Variants in RAD51B observed in about 807,000 individuals in gnomAD.
The protein encoded by RAD51B is RAD51 paralog B.
RAD51B carries 38 observed loss-of-function variants against 42.2 expected under a neutral mutation model. That is an observed-to-expected ratio of 0.90 (90% CI 0.70 to 1.18). The LOEUF (loss-of-function observed/expected upper bound fraction) is 1.18. RAD51B is among the 50% of genes most tolerant of loss of function. RAD51B has a pLI of 0.00. For missense variants in RAD51B, 373 were observed against 400.7 expected, an observed-to-expected ratio of 0.93 and a Z score of 0.59; for synonymous variants, 154 against 145.2, an observed-to-expected ratio of 1.06 and a Z score of -0.43.
At chr14:68,066,618 A>G (rs2076653897) in intron 7 of RAD51B, among the ~76,000 whole-genome samples, 1 of 152,196 alleles carries the variant, frequency 6.6e-6, no homozygotes, top group Non-Finnish European at 1.5e-5. Flanking sequence ...CTGGTTCTGT[A>G]ATATGATAAA....
rs543562591 is a variant in RAD51B at position 68,136,502 on chromosome 14, C to T, written c.757-155382C>T. ...CTGAGGCAGGAGAATCGCTTGAACC[C>T]GGGAGGCAGAGGTTGCAGTGAGCTG... On this transcript the variant is annotated intron_variant, in intron 7 of 10. Transcript: ENST00000471583. Among the ~76,000 whole-genome samples, 63 of 51,336 alleles carry T rather than the reference C, an allele frequency of 1.2e-3. 25 individuals are homozygous for T. The highest frequency in any genetic ancestry group is 6.0e-3 in the South Asian group (5 of 840). 33.7% of individuals were successfully genotyped at this position (51,336 alleles called of 152,430 possible).
intron 7 of RAD51B, among the ~76,000 whole-genome samples, chr14:67,955,858 A>G: frequency 6.6e-6 from 1 of 152,214 alleles, no homozygotes; most frequent in East Asian, 1.9e-4. Flanking sequence ...TACATGTAGA[A>G]TTTGGACAGA....
At chr14:67,921,072 G>C (rs1028239703) in intron 7 of RAD51B, among the ~76,000 whole-genome samples, 6 of 152,170 alleles carry the variant, frequency 3.9e-5, no homozygotes, top group Non-Finnish European at 7.3e-5. Flanking sequence ...TCCTGGAACA[G>C]TATTTCTCAA....
At chr14:67,943,459 G>T (rs1375116090) in intron 7 of RAD51B, among the ~76,000 whole-genome samples, 1 of 152,114 alleles carries the variant, frequency 6.6e-6, no homozygotes, top group East Asian at 1.9e-4. Flanking sequence ...GACCCTGTGG[G>T]ATAAAAAATA....
chr14:68,440,004 A>G (rs754110309), intron 9 of RAD51B, among the ~76,000 whole-genome samples: 15 of 152,252 alleles, frequency 9.9e-5, no homozygotes, highest in Non-Finnish European at 2.1e-4. Context: ...TCCAAAGGCC[A>G]GAACTCTCTC....
rs1262827765 is a variant in RAD51B at position 68,075,491 on chromosome 14, G to A, written c.756+188287G>A. Among the ~76,000 whole-genome samples the A allele has an allele frequency of 4.6e-5, 7 of 152,214 alleles. No individual in the cohort carries two copies. The South Asian group carries it at 1.5e-3, about 32-fold the overall frequency. The stretch of plus-strand genomic sequence containing the variant: ...AAGGGCTCTGCCTGGTGAAGACTAG[G>A]GAGGTGGAGGCTGACAAGGAAGAGA... On this transcript the variant is annotated intron_variant, in intron 7 of 10. Transcript: ENST00000471583.
At chr14:68,436,162 T>C (rs573181559) in intron 9 of RAD51B, among the ~76,000 whole-genome samples, 2 of 152,340 alleles carry the variant, frequency 1.3e-5, no homozygotes, top group South Asian at 2.1e-4. Context: ...GGGCCTACAT[T>C]TAAGCATTTA....
chr14:68,611,401 C>A (rs1269438809), exon 11 of RAD51B: 7 of 617,694 alleles, frequency 1.1e-5, no homozygotes, highest in Admixed American at 2.6e-5. Flanking sequence ...AAAAGTTCTT[C>A]TTCTCTACAT....
chr14:68,522,727 A>G (rs1594939797), intron 10 of RAD51B, among the ~76,000 whole-genome samples: 1 of 152,222 alleles, frequency 6.6e-6, no homozygotes, highest in East Asian at 1.9e-4. Context: ...CAAAGAGCCA[A>G]TTAGAGCCTG....
intron 7 of RAD51B, among the ~76,000 whole-genome samples, chr14:68,186,676 C>A (rs1225680048): frequency 1.3e-5 from 2 of 152,150 alleles, no homozygotes; most frequent in Non-Finnish European, 2.9e-5. Context: ...TACCATCTTA[C>A]ACCAGTCAGA....
chr14:68,223,394 A>G (rs568708577), intron 7 of RAD51B, among the ~76,000 whole-genome samples: 28 of 152,324 alleles, frequency 1.8e-4, no homozygotes, highest in Middle Eastern at 3.4e-3. Context: ...ACATAAACAC[A>G]TACTCACAAA....
intron 7 of RAD51B, among the ~76,000 whole-genome samples, chr14:68,221,085 G>A (rs557509185): frequency 2.0e-5 from 3 of 152,224 alleles, no homozygotes; most frequent in African/African-American, 7.2e-5. Context: ...CAGAGATCAC[G>A]CCACTGCACT....
chr14:68,039,159 G>A (rs555687796), intron 7 of RAD51B, among the ~76,000 whole-genome samples: 5 of 152,104 alleles, frequency 3.3e-5, no homozygotes, highest in South Asian at 4.2e-4. Flanking sequence ...GGCCGGGTGC[G>A]GTGGCTCATG....
intron 7 of RAD51B, among the ~76,000 whole-genome samples, chr14:68,150,897 A>T (rs1482226095): frequency 6.6e-6 from 1 of 152,188 alleles, no homozygotes; most frequent in South Asian, 2.1e-4. Context: ...ACATAAATAT[A>T]CTTTAGTTAT....
intron 10 of RAD51B, among the ~76,000 whole-genome samples, chr14:68,583,557 C>G (rs968722801): frequency 6.6e-6 from 1 of 152,160 alleles, no homozygotes; most frequent in African/African-American, 2.4e-5. Context: ...ACCCGTGGAC[C>G]CCTCAGAGTT....
chr14:68,151,009 T>C (rs1293225327), intron 7 of RAD51B, among the ~76,000 whole-genome samples: 1 of 152,070 alleles, frequency 6.6e-6, no homozygotes, highest in Non-Finnish European at 1.5e-5. Flanking sequence ...GGTTACCATT[T>C]CCTGTGATCT....
chr14:68,147,261 A>G (rs77941189), intron 7 of RAD51B, among the ~76,000 whole-genome samples: 1,738 of 152,358 alleles, frequency 0.011, 46 homozygotes, highest in African/African-American at 0.039. Context: ...CAGAAGACAT[A>G]CTATGAATAC....
At chr14:68,527,230 C>A (rs1886992014) in intron 10 of RAD51B, among the ~76,000 whole-genome samples, 1 of 152,194 alleles carries the variant, frequency 6.6e-6, no homozygotes, top group Non-Finnish European at 1.5e-5. Context: ...TTTTCTTAAC[C>A]TTATCCCCAT....
intron 7 of RAD51B, among the ~76,000 whole-genome samples, chr14:67,968,877 T>C (rs1040997736): frequency 4.6e-5 from 7 of 152,158 alleles, no homozygotes; most frequent in African/African-American, 1.7e-4. Flanking sequence ...ACTGTATTAG[T>C]CTGTTTTCAT....
Sources: allele counts gnomAD v4.1 joint callset (sites outside exome capture counted in the v4.1 genomes callset), GRCh38; gene constraint gnomAD v4.1.1; transcripts MANE v1.5; gene names NCBI Gene and HGNC (gene_info 2026-07-23, HGNC 2026-07-21).